METTL15: variants seen among roughly 807,000 people sequenced by gnomAD.
METTL15 encodes the protein methyltransferase 15, mitochondrial 12S rRNA N4-cytidine, also known as 12S rRNA N(4)-cytidine methyltransferase METTL15.
Under a neutral mutation model 38.3 loss-of-function variants are expected in METTL15, and 34 were observed. That is an observed-to-expected ratio of 0.89 (90% CI 0.68 to 1.18). The LOEUF is 1.18. Ranked by LOEUF, METTL15 falls within the 50% of genes most tolerant of loss-of-function variation. The pLI is 0.00. For missense variants in METTL15, 438 were observed against 498.4 expected, an observed-to-expected ratio of 0.88 and a Z score of 1.15; for synonymous variants, 162 against 170.9, an observed-to-expected ratio of 0.95 and a Z score of 0.41.
In METTL15 at chr11:28,311,159, A is replaced by G. The variant is rs1412252223; in HGVS notation, c.778+14228A>G. 2.0e-5 allele frequency among the ~76,000 whole-genome samples: 3 copies of G among 152,280 alleles called. No homozygotes were observed. In the East Asian group the frequency reaches 5.8e-4, roughly 29 times the overall value. On this transcript the variant is annotated intron_variant, in intron 6 of 6. Transcript: ENST00000407364. ...CTTTATACAGTCAGAAAGAGCAGCA[A>G]TTAAATCATTGTTTTGCTACTTAAT...
chr11:28,371,543 T>A (rs977735469), intron 5 of METTL15, among the ~76,000 whole-genome samples: 3 of 152,018 alleles, frequency 2.0e-5, no homozygotes, highest in Non-Finnish European at 4.4e-5. Context: ...TTTTTAGGAA[T>A]GTTTTCTTCT....
At chr11:28,336,264 G>C (rs1325043820), downstream of METTL15, among the ~76,000 whole-genome samples, 1 of 152,146 alleles carries the variant, frequency 6.6e-6, no homozygotes, top group Non-Finnish European at 1.5e-5. Context: ...GGGATAAGAG[G>C]AGCCGGCTGC....
chr11:28,445,504 G>A (rs1303987790), intron 6 of METTL15, among the ~76,000 whole-genome samples: 1 of 152,030 alleles, frequency 6.6e-6, no homozygotes, highest in African/African-American at 2.4e-5. Context: ...TTTCAATAAT[G>A]CCTTCTATAC....
intron 6 of METTL15, among the ~76,000 whole-genome samples, chr11:28,480,788 G>T (rs2133472786): frequency 6.6e-6 from 1 of 152,304 alleles, no homozygotes. Flanking sequence ...GATTTTGGAT[G>T]TGATTTCTTG....
At chr11:28,407,672 C>T (rs1015028053) in intron 5 of METTL15, among the ~76,000 whole-genome samples, 1 of 152,054 alleles carries the variant, frequency 6.6e-6, no homozygotes, top group African/African-American at 2.4e-5. Flanking sequence ...GTTGGTGAGG[C>T]TGTGCAGAAA....
Position 28,330,890 on chromosome 11 carries a change from C to G in METTL15, c.*49C>G, listed in dbSNP as rs1456936720. ...ATTTTTTTCTCACAATTTCTCTAAT[C>G]TTTACTCATGTTATGTCCCTGAATG... On this transcript the variant is annotated 3_prime_UTR_variant, in exon 7 of 7. Transcript: ENST00000407364. The G allele has an allele frequency of 4.3e-6, 6 of 1,389,790 alleles. No homozygotes were observed. The South Asian group carries it at 7.3e-5, about 17-fold the overall frequency. The allele number at this position is 1,389,790 out of a possible 1,614,324, so 86.1% of individuals were successfully genotyped here. A position where few individuals can be genotyped will look rare whatever the true frequency, so the allele number is the denominator to read the frequency against.
intron 3 of METTL15, among the ~76,000 whole-genome samples, chr11:28,148,747 C>T (rs1016396880): frequency 1.3e-5 from 2 of 151,902 alleles, no homozygotes; most frequent in African/African-American, 2.4e-5. Flanking sequence ...TTTATTTCAA[C>T]TTTTTCAAAA....
chr11:28,221,970 G>A (rs192856261), intron 4 of METTL15, among the ~76,000 whole-genome samples: 1 of 152,204 alleles, frequency 6.6e-6, no homozygotes, highest in African/African-American at 2.4e-5. Flanking sequence ...TCTACTGGGG[G>A]ATGCCTTCCA....
intron 3 of METTL15, among the ~76,000 whole-genome samples, chr11:28,117,144 A>C (rs1041016127): frequency 6.6e-6 from 1 of 151,892 alleles, no homozygotes; most frequent in African/African-American, 2.4e-5. Context: ...AAATCCATAC[A>C]TAAGTGTGAG....
chr11:28,347,962 A>G (rs920505085), intron 3 of METTL15, among the ~76,000 whole-genome samples: 6 of 152,198 alleles, frequency 3.9e-5, no homozygotes, highest in East Asian at 1.9e-4. Context: ...GAGTTTGCCA[A>G]TGGTTCCTCA....
intron 5 of METTL15, among the ~76,000 whole-genome samples, chr11:28,419,302 A>C (rs1010400581): frequency 6.6e-6 from 1 of 152,150 alleles, no homozygotes; most frequent in African/African-American, 2.4e-5. Context: ...ATAGAGAGGA[A>C]GAGAGAGAGA....
intron 3 of METTL15, among the ~76,000 whole-genome samples, chr11:28,123,438 A>G (rs915392294): frequency 7.4e-4 from 112 of 152,148 alleles, no homozygotes; most frequent in African/African-American, 2.5e-3. Flanking sequence ...TGTAAGTAGC[A>G]TACGTAAAAT....
intron 5 of METTL15, among the ~76,000 whole-genome samples, chr11:28,369,766 T>C (rs1297060252): frequency 6.6e-6 from 1 of 152,116 alleles, no homozygotes; most frequent in African/African-American, 2.4e-5. Context: ...AAACTAGACC[T>C]GCCTTGCAAG....
intron 5 of METTL15, among the ~76,000 whole-genome samples, chr11:28,404,730 C>T (rs368987697): frequency 5.3e-5 from 8 of 152,094 alleles, no homozygotes; most frequent in Admixed American, 1.3e-4. Context: ...CATAGGCCAA[C>T]GTCGCACTGC....
At chr11:28,470,523 T>C (rs1352026023) in intron 6 of METTL15, among the ~76,000 whole-genome samples, 1 of 152,122 alleles carries the variant, frequency 6.6e-6, no homozygotes, top group East Asian at 1.9e-4. Flanking sequence ...CAGCAGCCAT[T>C]TTAACAGAAG....
intron 4 of METTL15, among the ~76,000 whole-genome samples, chr11:28,240,050 G>A (rs1217883792): frequency 1.3e-5 from 2 of 152,090 alleles, no homozygotes; most frequent in Non-Finnish European, 2.9e-5. Context: ...AAAGAGTAAA[G>A]GGATCAATCA....
At chr11:28,243,146 T>C (rs1854370796) in intron 4 of METTL15, among the ~76,000 whole-genome samples, 1 of 151,712 alleles carries the variant, frequency 6.6e-6, no homozygotes, top group African/African-American at 2.4e-5. Flanking sequence ...TAGAGGGACT[T>C]TTAGATGATT....
intron 5 of METTL15, among the ~76,000 whole-genome samples, chr11:28,362,678 T>TG (rs1564906778): frequency 6.6e-6 from 1 of 152,214 alleles, no homozygotes; most frequent in Non-Finnish European, 1.5e-5. Context: ...GCTTTATCCA[T>TG]ATTGCACAAG....
At chr11:28,434,743 A>G (rs1311432399) in intron 6 of METTL15, among the ~76,000 whole-genome samples, 4 of 152,324 alleles carry the variant, frequency 2.6e-5, no homozygotes, top group Non-Finnish European at 5.9e-5. Flanking sequence ...CTGCTGATCT[A>G]GGATAGGCTC....
Sources: allele counts gnomAD v4.1 joint callset (sites outside exome capture counted in the v4.1 genomes callset), GRCh38; gene constraint gnomAD v4.1.1; transcripts MANE v1.5; gene names NCBI Gene and HGNC (gene_info 2026-07-23, HGNC 2026-07-21).